SMIM21: variants seen among roughly 807,000 people sequenced by gnomAD.
SMIM21 encodes the protein small integral membrane protein 21, also known as chromosome 18 open reading frame 62.
SMIM21 carries 8 observed loss-of-function variants against 8.6 expected under a neutral mutation model. The ratio of observed to expected loss-of-function variants is 0.93; its 90% CI spans 0.55 to 1.68. The LOEUF is 1.68. Ranked by LOEUF, SMIM21 falls within the 40% of genes most tolerant of loss-of-function variation. The pLI, the probability that SMIM21 is intolerant of heterozygous loss-of-function variation, is 0.00. For synonymous variants in SMIM21, 43 were observed against 41.7 expected, an observed-to-expected ratio of 1.03 and a Z score of -0.12; for missense variants, 132 against 123.0, an observed-to-expected ratio of 1.07 and a Z score of -0.35.
chr18:75,410,498 C>T lies in SMIM21; in HGVS notation c.*366G>A. Reference sequence around the variant, plus strand: ...TAGGTGGTCCCGAAATAAGTGAAAGCACTTGCAAGGAAAAAGTTACAGCAG... The same window carrying T: ...TAGGTGGTCCCGAAATAAGTGAAAGTACTTGCAAGGAAAAAGTTACAGCAG... On this transcript the variant is annotated 3_prime_UTR_variant, in exon 3 of 3. Coordinates refer to ENST00000579022, the MANE Select transcript of SMIM21 (RefSeq NM_001037331.3). The T allele has an allele frequency of 3.9e-6, 1 of 256,254 alleles. No individual in the cohort carries two copies. The highest frequency in any genetic ancestry group is 7.4e-6 in the Non-Finnish European group (1 of 134,528). The allele number at this position is 256,254 out of a possible 1,614,324, so 15.9% of individuals were successfully genotyped here.
At chr18:75,411,134 A>T (rs938935445) in intron 2 of SMIM21, among the ~76,000 whole-genome samples, 3 of 152,216 alleles carry the variant, frequency 2.0e-5, no homozygotes, top group African/African-American at 4.8e-5. Flanking sequence ...GGAACCCTGG[A>T]ATAATTCTCT....
rs576484447 is a variant in SMIM21 at position 75,412,805 on chromosome 18, TTGATCGAACACACTTGCTGGATTTCTG to T, written c.261-1923_261-1897del. 1.1e-3 allele frequency among the ~76,000 whole-genome samples: 171 copies of T among 152,306 alleles called. 2 individuals carry two copies. Among genetic ancestry groups the T allele is most frequent in the African/African-American group, 3.9e-3 (164 of 41,556 alleles). On this transcript the variant is annotated intron_variant, in intron 2 of 2. Coordinates refer to ENST00000579022, the MANE Select transcript of SMIM21 (RefSeq NM_001037331.3). ...AGAACCCCCACTCCTAGTAAAATAC[TTGATCGAACACACTTGCTGGATTTCTG>T]TGATCAGTATCCGTTTTTCTTTCTC... is the stretch of plus-strand genomic sequence containing the variant.
At chr18:75,425,983 G>A (rs540775733) in intron 1 of SMIM21, among the ~76,000 whole-genome samples, 2 of 152,110 alleles carry the variant, frequency 1.3e-5, no homozygotes, top group African/African-American at 2.4e-5. Context: ...AAATGTTTGA[G>A]GTGCTGTGTT....
At chr18:75,414,072 G>GTC (rs2024612280) in intron 2 of SMIM21, among the ~76,000 whole-genome samples, 1 of 113,538 alleles carries the variant, frequency 8.8e-6, no homozygotes, top group Non-Finnish European at 1.8e-5. Context: ...CTCTCTCTCT[G>GTC]TCTCACACAC....
rs755781025 is a variant in SMIM21, at chr18:75,410,877, G to A, written c.293C>T (p.Ala98Val). ...ACGTAGTGTCATTTATTCTGCTTCT[G>A]CTGTGTTCCTGGATGACTTCAAACG... ...FLRLKSSRNT[A>V]EAE The change falls in exon 3 of 3, where the codon GCA becomes GTA. Residue 98 changes from alanine to valine, a missense_variant. Ala to Val is a moderately conservative substitution (Grantham distance 64). Transcript: ENST00000579022. 14 of 1,614,044 alleles carry A rather than the reference G, an allele frequency of 8.7e-6. No homozygotes were observed. The highest frequency in any genetic ancestry group is 1.7e-5 in the Admixed American group (1 of 60,010).
At chr18:75,425,361 C>A (rs768043595) in intron 1 of SMIM21, among the ~76,000 whole-genome samples, 1 of 152,060 alleles carries the variant, frequency 6.6e-6, no homozygotes, top group Non-Finnish European at 1.5e-5. Context: ...ATAGTGGAAC[C>A]AGTGAACACT....
intron 1 of SMIM21, among the ~76,000 whole-genome samples, chr18:75,425,592 T>C (rs1226683655): frequency 6.6e-6 from 1 of 152,244 alleles, no homozygotes; most frequent in Non-Finnish European, 1.5e-5. Context: ...GTTTTCCTTG[T>C]CAACATTTTG....
chr18:75,421,736 A>C (rs1011263780), intron 1 of SMIM21, among the ~76,000 whole-genome samples: 7 of 152,164 alleles, frequency 4.6e-5, no homozygotes, highest in African/African-American at 1.7e-4. Context: ...CTCCATGTCC[A>C]GAAGAAAGTA....
In SMIM21 at chr18:75,409,962, G is replaced by T. The variant is rs1286674047; in HGVS notation, c.*902C>A. The T allele has an allele frequency of 6.5e-6, 1 of 152,712 alleles. No homozygotes were observed. The highest frequency in any genetic ancestry group is 1.9e-4 in the East Asian group (1 of 5,198). 9.5% of individuals were successfully genotyped at this position (152,712 alleles called of 1,614,324 possible). ...CAGGGCTCACCTCGTCAAGGACTTT[G>T]CAGCCGCCTTAACTTTGAGTCTCCT... On this transcript the variant is annotated 3_prime_UTR_variant, in exon 3 of 3. Coordinates refer to ENST00000579022, the MANE Select transcript of SMIM21 (RefSeq NM_001037331.3).
chr18:75,411,949 C>T (rs2024589063), intron 2 of SMIM21, among the ~76,000 whole-genome samples: 1 of 152,204 alleles, frequency 6.6e-6, no homozygotes, highest in African/African-American at 2.4e-5. Context: ...CAGGCCGAGA[C>T]AGGTAGAACA....
Position 75,419,006 on chromosome 18 carries a change from A to G in SMIM21, c.130-90T>C, listed in dbSNP as rs879212137. The G allele has an allele frequency of 4.7e-5, 34 of 723,234 alleles. No individual in the cohort carries two copies. In the South Asian group the frequency reaches 8.3e-4, roughly 18 times the overall value. 44.8% of individuals were successfully genotyped at this position (723,234 alleles called of 1,614,324 possible). ...GCAGCTAACTCTTTGTCAAACAATT[A>G]ATTTTGTTTAAAATAAATAAGTTTA... On this transcript the variant is annotated intron_variant, in intron 1 of 2. Coordinates refer to ENST00000579022, the MANE Select transcript of SMIM21 (RefSeq NM_001037331.3).
intron 1 of SMIM21, among the ~76,000 whole-genome samples, chr18:75,420,830 A>G (rs1207484852): frequency 6.6e-6 from 1 of 152,170 alleles, no homozygotes; most frequent in Non-Finnish European, 1.5e-5. Context: ...AGGATCCTCC[A>G]GTTTTAGGAT....
chr18:75,422,833 G>A (rs1434777485), intron 1 of SMIM21, among the ~76,000 whole-genome samples: 1 of 152,200 alleles, frequency 6.6e-6, no homozygotes, highest in Non-Finnish European at 1.5e-5. Flanking sequence ...TGATGGTCAT[G>A]AGATTTCTTT....
chr18:75,410,594 C>T lies in SMIM21; in HGVS notation c.*270G>A, dbSNP rs2024572672. 1 of 685,110 alleles carries T rather than the reference C, an allele frequency of 1.5e-6. No individual in the cohort carries two copies. Among genetic ancestry groups the T allele is most frequent in the Non-Finnish European group, 2.2e-6 (1 of 460,870 alleles). The allele number at this position is 685,110 out of a possible 1,614,324, so 42.4% of individuals were successfully genotyped here. On this transcript the variant is annotated 3_prime_UTR_variant, in exon 3 of 3. Transcript: ENST00000579022. ...CTTTGCACTGCTGGATCTGTTTCGA[C>T]ACGCAGGGCAGATTTCGCAGGGTTG...
At chr18:75,423,901 G>A (rs1045332429) in intron 1 of SMIM21, among the ~76,000 whole-genome samples, 1 of 152,134 alleles carries the variant, frequency 6.6e-6, no homozygotes, top group African/African-American at 2.4e-5. Context: ...CAAAGACACG[G>A]TCATTTTAGT....
At chr18:75,421,573 C>T (rs911140013) in intron 1 of SMIM21, among the ~76,000 whole-genome samples, 2 of 152,106 alleles carry the variant, frequency 1.3e-5, no homozygotes, top group African/African-American at 2.4e-5. Context: ...TAGTGTTTCT[C>T]TCACGTGGAG....
At chr18:75,423,627 G>A (rs188856224) in intron 1 of SMIM21, among the ~76,000 whole-genome samples, 1 of 152,226 alleles carries the variant, frequency 6.6e-6, no homozygotes, top group African/African-American at 2.4e-5. Flanking sequence ...ATGGGATGGG[G>A]CTCTGGCCTC....
At position 75,410,820 on chromosome 18, in the gene SMIM21, G is replaced by T. The variant is rs1461226215; in HGVS notation, c.*44C>A. The T allele has an allele frequency of 6.2e-7, 1 of 1,611,532 alleles. No homozygotes were observed. Among genetic ancestry groups the T allele is most frequent in the Non-Finnish European group, 8.5e-7 (1 of 1,179,206 alleles). Reference sequence around the variant, plus strand: ...TAATTTCTTTTCATCTTGAGCAGGGGAAATCCATGGTATGAAGGCCATGAG... The same window carrying T: ...TAATTTCTTTTCATCTTGAGCAGGGTAAATCCATGGTATGAAGGCCATGAG... On this transcript the variant is annotated 3_prime_UTR_variant, in exon 3 of 3. Transcript: ENST00000579022.
chr18:75,410,723 T>A lies in SMIM21; in HGVS notation c.*141A>T, dbSNP rs1599101140. 6.8e-6 allele frequency: 10 copies of A among 1,469,898 alleles called. No individual in the cohort carries two copies. The East Asian group carries it at 2.5e-4, about 36-fold the overall frequency. The allele number at this position is 1,469,898 out of a possible 1,614,324, so 91.1% of individuals were successfully genotyped here. The stretch of plus-strand genomic sequence containing the variant: ...ATCATTGCAAAAAGTTACACGTTCT[T>A]CATTCTCTCTGTGGAGCTCCTTTTA... On this transcript the variant is annotated 3_prime_UTR_variant, in exon 3 of 3. Coordinates refer to ENST00000579022, the MANE Select transcript of SMIM21 (RefSeq NM_001037331.3).
Sources: allele counts gnomAD v4.1 joint callset (sites outside exome capture counted in the v4.1 genomes callset), GRCh38; gene constraint gnomAD v4.1.1; transcripts MANE v1.5; gene names NCBI Gene and HGNC (gene_info 2026-07-23, HGNC 2026-07-21).